The following UGT2A2 variants were observed in gnomAD, a reference collection of about 807,000 sequenced individuals.
UGT2A2 encodes UDP-glucuronosyltransferase 2A2.
UGT2A2 carries 60 observed loss-of-function variants against 50.7 expected under a neutral mutation model. The observed-to-expected ratio is 1.18, with a 90% CI of 0.96 to 1.47. UGT2A2 has a LOEUF of 1.47. Ranked by LOEUF, UGT2A2 falls within the 40% of genes most tolerant of loss-of-function variation. The pLI is 0.00. For synonymous variants in UGT2A2, 242 were observed against 214.6 expected, an observed-to-expected ratio of 1.13 and a Z score of -1.11; for missense variants, 762 against 634.0, an observed-to-expected ratio of 1.20 and a Z score of -2.17.
At chr4:69,607,218 G>GCATGGTACTGGTACCAA (rs1553904403) in intron 1 of UGT2A2, among the ~76,000 whole-genome samples, 15 of 150,026 alleles carry the variant, frequency 1.0e-4, no homozygotes, top group Non-Finnish European at 1.3e-4. Flanking sequence ...TACCAAAACA[G>GCATGGTACTGGTACCAA]AGATAAAGAC....
In UGT2A2 at chr4:69,639,074, C is replaced by T; in HGVS notation, c.567G>A (p.Glu189=). ...GTGCTGGGATTTTCCCACAGTGTCT[C>T]TCCACTGTTGATGCTGGAGAGAACC... is the stretch of plus-strand genomic sequence containing the variant. ...TLRFSPASTV[E]RHCGKIPAPV... Residue 189 remains glutamate (E), a synonymous_variant, in exon 1 of 6, where the codon GAG becomes GAA. Transcript: ENST00000604629. 6.2e-7 allele frequency: 1 copy of T among 1,613,416 alleles called. No individual in the cohort carries two copies.
intron 1 of UGT2A2, among the ~76,000 whole-genome samples, chr4:69,601,514 C>A (rs1047621075): frequency 6.6e-6 from 1 of 152,198 alleles, no homozygotes; most frequent in African/African-American, 2.4e-5. Flanking sequence ...ACAGCATCTG[C>A]AGGCATAATA....
chr4:69,627,611 A>AAAGC (rs1721161832), intron 1 of UGT2A2, among the ~76,000 whole-genome samples: 1 of 151,336 alleles, frequency 6.6e-6, no homozygotes. Context: ...AGAAAGAAAG[A>AAAGC]AAGAGAAGAA....
intron 1 of UGT2A2, among the ~76,000 whole-genome samples, chr4:69,629,333 C>G (rs1052388434): frequency 6.6e-6 from 1 of 151,914 alleles, no homozygotes; most frequent in African/African-American, 2.4e-5. Flanking sequence ...TTGTACATTC[C>G]CAAAAAAGAC....
chr4:69,631,031 C>A (rs921242908), intron 1 of UGT2A2, among the ~76,000 whole-genome samples: 1 of 152,044 alleles, frequency 6.6e-6, no homozygotes, highest in Non-Finnish European at 1.5e-5. Context: ...ATGAAATCAT[C>A]GACATAAGCT....
chr4:69,611,364 A>T (rs1449201520), intron 1 of UGT2A2, among the ~76,000 whole-genome samples: 1 of 151,706 alleles, frequency 6.6e-6, no homozygotes, highest in Non-Finnish European at 1.5e-5. Flanking sequence ...CAGGGTCATA[A>T]AAGTACTCTA....
chr4:69,613,847 A>G (rs1720211285), intron 1 of UGT2A2, among the ~76,000 whole-genome samples: 1 of 151,974 alleles, frequency 6.6e-6, no homozygotes, highest in Admixed American at 6.6e-5. Context: ...AAAGCCATAA[A>G]CCGCAAACCT....
At chr4:69,594,370 G>T in intron 5 of UGT2A2, 107 bp downstream of exon 5, 1 of 1,397,244 alleles carries the variant, frequency 7.2e-7, no homozygotes, top group Non-Finnish European at 9.6e-7. Context: ...GTCAGGTTAT[G>T]GTTGTTATTG....
chr4:69,599,031 GC>G (rs1391180220), intron 2 of UGT2A2, among the ~76,000 whole-genome samples: 1 of 152,068 alleles, frequency 6.6e-6, no homozygotes, highest in African/African-American at 2.4e-5. Flanking sequence ...GTAACACACA[GC>G]TTTAATCATT....
chr4:69,615,915 T>C (rs1166437957), intron 1 of UGT2A2, among the ~76,000 whole-genome samples: 2 of 151,956 alleles, frequency 1.3e-5, no homozygotes, highest in Non-Finnish European at 2.9e-5. Flanking sequence ...TGGGTATATA[T>C]CCAAATAAAG....
At chr4:69,599,199 G>C in intron 2 of UGT2A2, 47 bp downstream of exon 2, 4 of 1,549,410 alleles carry the variant, frequency 2.6e-6, no homozygotes, top group Non-Finnish European at 3.5e-6. Context: ...AGAAAATTAA[G>C]TATTTTATTA....
Position 69,639,333 on chromosome 4 carries a change from C to T in UGT2A2, c.308G>A (p.Trp103Ter). ...DSLIEHMIML[W>*]IDHRPTPLTI... is the part of the protein sequence containing the mutation. ...GAGAGGAGTTGGTCTATGGTCAATC[C>T]ACAGCATTATCATATGCTCAATTAA... Residue 103 changes from tryptophan (W) to a stop codon, truncating the protein, a stop_gained, in exon 1 of 6, where the codon TGG becomes TAG. Transcript: ENST00000604629. LOFTEE classifies it high-confidence loss of function. 1 of 1,613,630 alleles carries T rather than the reference C, an allele frequency of 6.2e-7. No homozygotes were observed.
intron 1 of UGT2A2, among the ~76,000 whole-genome samples, chr4:69,626,297 G>A (rs764508969): frequency 1.3e-5 from 2 of 150,870 alleles, no homozygotes; most frequent in African/African-American, 4.8e-5. Flanking sequence ...CACCAAAGAG[G>A]CCATACACAT....
rs1156928365 is a variant in UGT2A2 at position 69,602,525 on chromosome 4, A to G, written c.743-3131T>C. ...TATCTATCTGATATCATGTTATGTA[A>G]CAAATCCAAAACAATATACAGATAA... On this transcript the variant is annotated intron_variant, in intron 1 of 5. Coordinates refer to ENST00000604629, the MANE Select transcript of UGT2A2 (RefSeq NM_001105677.2). Among the ~76,000 whole-genome samples the G allele has an allele frequency of 2.9e-5, 4 of 137,158 alleles. 1 individual carries two copies. The highest frequency in any genetic ancestry group is 1.4e-4 in the Admixed American group (2 of 13,950). The allele number at this position is 137,158 out of a possible 152,430, so 90.0% of individuals were successfully genotyped here.
At chr4:69,627,245 T>C (rs1721111322) in intron 1 of UGT2A2, among the ~76,000 whole-genome samples, 1 of 151,808 alleles carries the variant, frequency 6.6e-6, no homozygotes, top group Admixed American at 6.6e-5. Context: ...TATGTGAAAT[T>C]TGTTTTGGAA....
rs1367054812 is a variant in UGT2A2 at position 69,639,518 on chromosome 4, A to G, written c.123T>C (p.His41=). The change falls in exon 1 of 6, where the codon CAT becomes CAC. Residue 41 remains histidine (H), a synonymous_variant. Transcript: ENST00000604629. ...CTAGAATAATCTTAATATTTAACCA[A>G]TGGCTACCATCTGTAGGCCAAATTA... The part of the protein sequence containing the change: ...NVLIWPTDGS[H]WLNIKIILEE... The G allele has an allele frequency of 6.2e-7, 1 of 1,613,220 alleles. No homozygotes were observed. Among genetic ancestry groups the G allele is most frequent in the Non-Finnish European group, 8.5e-7 (1 of 1,179,572 alleles).
At chr4:69,601,474 T>G (rs1409094556) in intron 1 of UGT2A2, among the ~76,000 whole-genome samples, 1 of 152,142 alleles carries the variant, frequency 6.6e-6, no homozygotes, top group Non-Finnish European at 1.5e-5. Context: ...AAGTGCCACC[T>G]CTTGGCTAGA....
chr4:69,608,599 G>A (rs1719829950), intron 1 of UGT2A2, among the ~76,000 whole-genome samples: 1 of 151,806 alleles, frequency 6.6e-6, no homozygotes, highest in African/African-American at 2.4e-5. Flanking sequence ...TAGGTAGGCT[G>A]AGAGGGAGTC....
chr4:69,620,123 G>T (rs1470412609), intron 1 of UGT2A2, among the ~76,000 whole-genome samples: 2 of 151,936 alleles, frequency 1.3e-5, no homozygotes, highest in Non-Finnish European at 2.9e-5. Context: ...AGTACTGGAA[G>T]TCCTTCCAGA....
Sources: gnomAD v4.1 joint callset for allele counts (sites outside exome capture counted in the v4.1 genomes callset) on GRCh38, gnomAD v4.1.1 for gene constraint, MANE v1.5 for transcripts, NCBI Gene and HGNC (gene_info 2026-07-23, HGNC 2026-07-21) for gene names.